Variants in DLK1 observed in about 807,000 individuals in gnomAD.
DLK1 encodes protein delta homolog 1.
DLK1 carries 9 observed loss-of-function variants against 35.2 expected under a neutral mutation model. That is an observed-to-expected ratio of 0.26 (90% confidence interval 0.15 to 0.45). The LOEUF is 0.45. DLK1 is among the 20% of genes least tolerant of loss of function. DLK1 has a pLI of 1.00. For synonymous variants in DLK1, 231 were observed against 228.4 expected, an observed-to-expected ratio of 1.01 and a Z score of -0.10; for missense variants, 522 against 528.5, an observed-to-expected ratio of 0.99 and a Z score of 0.12.
chr14:100,732,611 G>A (rs1460123920), intron 4 of DLK1, among the ~76,000 whole-genome samples: 1 of 152,232 alleles, frequency 6.6e-6, no homozygotes, highest in Non-Finnish European at 1.5e-5. Flanking sequence ...TGGGATGTCT[G>A]TGGAGGGAGT....
rs369878911 is a variant in DLK1, at chr14:100,734,921, G to C, written c.*25G>C. On this transcript the variant is annotated 3_prime_UTR_variant, in exon 5 of 5. Coordinates refer to ENST00000341267, the MANE Select transcript of DLK1 (RefSeq NM_003836.7). This position sits in a 1 kb window ranked among gnomAD's most constrained non-coding sequence, Gnocchi z 7.4. Reference sequence around the variant, plus strand: ...AGCAGCGTTCCCACAGCCCCCTCTAGATTCTTGGAGTTCCGCAGAGCTTAC... The same window carrying C: ...AGCAGCGTTCCCACAGCCCCCTCTACATTCTTGGAGTTCCGCAGAGCTTAC... 3.2e-5 allele frequency: 50 copies of C among 1,542,002 alleles called. No individual in the cohort carries two copies. Among genetic ancestry groups the C allele is most frequent in the Non-Finnish European group, 4.3e-5 (49 of 1,150,030 alleles).
chr14:100,734,105 G>T lies in DLK1; in HGVS notation c.405-44G>T. 1 of 1,553,916 alleles carries T rather than the reference G, an allele frequency of 6.4e-7. No individual in the cohort carries two copies. Among genetic ancestry groups the T allele is most frequent in the Non-Finnish European group, 8.7e-7 (1 of 1,151,238 alleles). On this transcript the variant is annotated intron_variant, in intron 4 of 4. Transcript: ENST00000341267. This position sits in a 1 kb window ranked among gnomAD's most constrained non-coding sequence, Gnocchi z 7.4. ...CCCCGTGCCCTGCAGCGCTGTTGTA[G>T]CCTAGCCCCTGAGGCCGTTTACTAT...
rs962366157 is a variant in DLK1 at position 100,737,277 on chromosome 14, T to TA, written c.*2388dup. 6.7e-6 allele frequency: 1 copy of TA among 149,460 alleles called. No homozygotes were observed. Among genetic ancestry groups the TA allele is most frequent in the African/African-American group, 2.5e-5 (1 of 40,358 alleles). The allele number at this position is 149,460 out of a possible 1,614,324, so 9.3% of individuals were successfully genotyped here. A position where few individuals can be genotyped will look rare whatever the true frequency, so the allele number is the denominator to read the frequency against. On this transcript the variant is annotated 3_prime_UTR_variant, in exon 5 of 5. Coordinates refer to ENST00000341267, the MANE Select transcript of DLK1 (RefSeq NM_003836.7). ...CTCATTTTGAGTTTGTTTTAAGAAA[T>TA]AAAAAAATTAAAAAGACAAAAAAAA...
rs1442257340 is a variant in DLK1 at position 100,726,972 on chromosome 14, G to T, written c.-97G>T. ...GGCTTTCCCCTCGCTGCGCGCCCGC[G>T]CCCCCTTTCGCGTCCGCAACCAGAA... is the stretch of plus-strand genomic sequence containing the variant. On this transcript the variant is annotated 5_prime_UTR_variant, in exon 1 of 5. Transcript: ENST00000341267. This position sits in a 1 kb window ranked among gnomAD's most constrained non-coding sequence, Gnocchi z 4.2. The T allele has an allele frequency of 3.3e-6, 4 of 1,214,902 alleles. No individual in the cohort carries two copies. The highest frequency in any genetic ancestry group is 4.3e-6 in the Non-Finnish European group (4 of 930,310). The allele number at this position is 1,214,902 out of a possible 1,614,324, so 75.3% of individuals were successfully genotyped here.
rs148464770 is a variant in DLK1 at position 100,734,616 on chromosome 14, A to C, written c.872A>C (p.Glu291Ala). Reference sequence around the variant, plus strand: ...CGCATCCTGAAGGTGTCCATGAAAGAGCTCAACAAGAAAACCCCTCTCCTC... The same window carrying C: ...CGCATCCTGAAGGTGTCCATGAAAGCGCTCAACAAGAAAACCCCTCTCCTC... ...EHRILKVSMK[E>A]LNKKTPLLTE... Residue 291 changes from glutamate (E) to alanine (A), a missense_variant, in exon 5 of 5, where the codon GAG (glutamate) becomes GCG (alanine). Transcript: ENST00000341267. This position sits in a 1 kb window ranked among gnomAD's most constrained non-coding sequence, Gnocchi z 7.4. 19 of 1,613,788 alleles carry C rather than the reference A, an allele frequency of 1.2e-5. No homozygotes were observed. Among genetic ancestry groups the C allele is most frequent in the Non-Finnish European group, 1.4e-5 (17 of 1,180,016 alleles).
rs531629702 is a variant in DLK1 at position 100,733,362 on chromosome 14, C to T, written c.405-787C>T. Reference sequence around the variant, plus strand: ...GCCATTTATCGGATGACAAAGGGCTCGCTCGTTTAAAAGCACTTACATTAA... The same window carrying T: ...GCCATTTATCGGATGACAAAGGGCTTGCTCGTTTAAAAGCACTTACATTAA... On this transcript the variant is annotated intron_variant, in intron 4 of 4. Transcript: ENST00000341267. 3.7e-4 allele frequency among the ~76,000 whole-genome samples: 56 copies of T among 152,226 alleles called. 1 individual carries two copies. The South Asian group carries it at 1.0e-2, about 27-fold the overall frequency.
intron 3 of DLK1, chr14:100,729,289 A>C: frequency 1.3e-6 from 1 of 756,168 alleles, no homozygotes; most frequent in Non-Finnish European, 2.3e-6. Flanking sequence ...ATCAGCACCC[A>C]GCACCTAGAG....
chr14:100,732,121 C>T lies in DLK1; in HGVS notation c.342C>T (p.Ser114=). 1.2e-6 allele frequency: 2 copies of T among 1,614,210 alleles called. No individual in the cohort carries two copies. The highest frequency in any genetic ancestry group is 1.7e-6 in the Non-Finnish European group (2 of 1,180,028). Residue 114 remains serine, a synonymous_variant, in exon 4 of 5, where the codon TCC becomes TCT. Transcript: ENST00000341267. ...TGGACGATGGCCTCTATGAATGCTCCTGTGCCCCCGGGTACTCGGGAAAGG... is the reference window on the plus strand; with the variant it reads ...TGGACGATGGCCTCTATGAATGCTCTTGTGCCCCCGGGTACTCGGGAAAGG... ...VSLDDGLYEC[S]CAPGYSGKDC... is the part of the protein sequence containing the mutation.
chr14:100,734,552 C>A lies in DLK1; in HGVS notation c.808C>A (p.Pro270Thr), dbSNP rs750750247. The part of the protein sequence containing the change: ...SGYGLAYRLT[P>T]GVHELPVQQP... ...CTATGGGCTGGCCTACCGCCTGACC[C>A]CTGGGGTGCACGAGCTGCCGGTGCA... The change falls in exon 5 of 5, where the codon CCT (proline) becomes ACT (threonine). Residue 270 changes from proline to threonine, a missense_variant. Physicochemically the swap from Pro to Thr is conservative, Grantham distance 38. Transcript: ENST00000341267. This position sits in a 1 kb window ranked among gnomAD's most constrained non-coding sequence, Gnocchi z 7.4. The A allele has an allele frequency of 2.2e-5, 36 of 1,613,022 alleles. No homozygotes were observed. Among genetic ancestry groups the A allele is most frequent in the Non-Finnish European group, 4.2e-6 (5 of 1,179,918 alleles).
At chr14:100,729,501 A>G (rs2036482751) in intron 3 of DLK1, among the ~76,000 whole-genome samples, 1 of 145,208 alleles carries the variant, frequency 6.9e-6, no homozygotes, top group African/African-American at 2.5e-5. Flanking sequence ...CAAACAAACA[A>G]ACGGGGTGGG....
chr14:100,727,023 CCCGCGCCCGCA>C lies in DLK1; in HGVS notation c.-41_-31del. 6.6e-7 allele frequency: 1 copy of C among 1,518,704 alleles called. No individual in the cohort carries two copies. The highest frequency in any genetic ancestry group is 8.8e-7 in the Non-Finnish European group (1 of 1,135,968). The allele number at this position is 1,518,704 out of a possible 1,614,324, so 94.1% of individuals were successfully genotyped here. Reference sequence around the variant, plus strand: ...GCCCAGTGCGGCGCCAGGAGCCGGACCCGCGCCCGCACCGCTCCCGGGACCGCGACCCCGGC... The same window carrying C: ...GCCCAGTGCGGCGCCAGGAGCCGGACCCGCTCCCGGGACCGCGACCCCGGC... On this transcript the variant is annotated 5_prime_UTR_variant, in exon 1 of 5. Coordinates refer to ENST00000341267, the MANE Select transcript of DLK1 (RefSeq NM_003836.7).
intron 1 of DLK1, among the ~76,000 whole-genome samples, chr14:100,727,975 G>A (rs1463148428): frequency 1.3e-5 from 2 of 152,126 alleles, no homozygotes; most frequent in East Asian, 1.9e-4. Flanking sequence ...GGGCTTTCCC[G>A]GAGTTGAACA....
At chr14:100,733,020 G>A (rs1253624090) in intron 4 of DLK1, among the ~76,000 whole-genome samples, 1 of 152,212 alleles carries the variant, frequency 6.6e-6, no homozygotes, top group Admixed American at 6.5e-5. Flanking sequence ...GGACATCGCA[G>A]GGTGGCACAG....
Position 100,735,663 on chromosome 14 carries a change from A to G in DLK1, c.*767A>G, listed in dbSNP as rs1235095426. 2.6e-5 allele frequency: 4 copies of G among 152,316 alleles called. No individual in the cohort carries two copies. Among genetic ancestry groups the G allele is most frequent in the East Asian group, 1.9e-4 (1 of 5,178 alleles). The allele number at this position is 152,316 out of a possible 1,614,324, so 9.4% of individuals were successfully genotyped here. On this transcript the variant is annotated 3_prime_UTR_variant, in exon 5 of 5. Coordinates refer to ENST00000341267, the MANE Select transcript of DLK1 (RefSeq NM_003836.7). ...ACCAAAACACTTCCTGACCCCAACAATTGGGATCTGATGAAGACGAATTCT... is the reference window on the plus strand; with the variant it reads ...ACCAAAACACTTCCTGACCCCAACAGTTGGGATCTGATGAAGACGAATTCT...
Position 100,734,786 on chromosome 14 carries a change from A to C in DLK1, c.1042A>C (p.Asn348His). ...RYNHMLRKKK[N>H]LLLQYNSGED... is the part of the protein sequence containing the mutation. ...CAACCACATGCTGCGGAAGAAGAAG[A>C]ACCTGCTGCTTCAGTACAACAGCGG... Residue 348 changes from asparagine to histidine, a missense_variant, in exon 5 of 5, where the codon AAC (asparagine) becomes CAC (histidine). Transcript: ENST00000341267. This position sits in a 1 kb window ranked among gnomAD's most constrained non-coding sequence, Gnocchi z 7.4. 6.2e-7 allele frequency: 1 copy of C among 1,613,984 alleles called. No individual in the cohort carries two copies. The highest frequency in any genetic ancestry group is 1.1e-5 in the South Asian group (1 of 91,076).
chr14:100,736,712 C>G lies in DLK1; in HGVS notation c.*1816C>G, dbSNP rs2036576416. 1 of 152,410 alleles carries G rather than the reference C, an allele frequency of 6.6e-6. No individual in the cohort carries two copies. Among genetic ancestry groups the G allele is most frequent in the African/African-American group, 2.4e-5 (1 of 41,210 alleles). The allele number at this position is 152,410 out of a possible 1,614,324, so 9.4% of individuals were successfully genotyped here. On this transcript the variant is annotated 3_prime_UTR_variant, in exon 5 of 5. Transcript: ENST00000341267. ...TCTGCACTCTGCAGAGCCCCTCCTA[C>G]CCGCCTCTGTCCCCACCAGGCCCCT...
intron 2 of DLK1, 171 bp downstream of exon 2, chr14:100,728,630 G>GA (rs1222410792): frequency 1.2e-5 from 3 of 258,454 alleles, no homozygotes; most frequent in Non-Finnish European, 2.3e-5. Context: ...GGGGCGGGGG[G>GA]GGGGCAGCCA....
At chr14:100,729,487 G>C (rs1010642054) in intron 3 of DLK1, among the ~76,000 whole-genome samples, 13 of 151,758 alleles carry the variant, frequency 8.6e-5, no homozygotes, top group Admixed American at 7.2e-4. Flanking sequence ...CTGTAAAGAG[G>C]CTGCAAACAA....
rs972091719 is a variant in DLK1, at chr14:100,735,898, C to G, written c.*1002C>G. The G allele has an allele frequency of 2.7e-5, 4 of 150,708 alleles. No homozygotes were observed. Among genetic ancestry groups the G allele is most frequent in the African/African-American group, 9.8e-5 (4 of 40,978 alleles). 9.3% of individuals were successfully genotyped at this position (150,708 alleles called of 1,614,324 possible). A position where few individuals can be genotyped will look rare whatever the true frequency, so the allele number is the denominator to read the frequency against. ...TCTTTGCCCACCCAGAACCCCAACA[C>G]TATACCTGCCTCTACCCTATAGAGA... is the stretch of plus-strand genomic sequence containing the variant. On this transcript the variant is annotated 3_prime_UTR_variant, in exon 5 of 5. Coordinates refer to ENST00000341267, the MANE Select transcript of DLK1 (RefSeq NM_003836.7).
Sources: allele counts gnomAD v4.1 joint callset (sites outside exome capture counted in the v4.1 genomes callset), GRCh38; gene constraint gnomAD v4.1.1; non-coding constraint Gnocchi (gnomAD v3.1); transcripts MANE v1.5; gene names NCBI Gene and HGNC (gene_info 2026-07-23, HGNC 2026-07-21).